Variants in RUBCNL observed in about 807,000 individuals in gnomAD.
RUBCNL encodes protein associated with UVRAG as autophagy enhancer.
Under a neutral mutation model 69.5 loss-of-function variants are expected in RUBCNL, and 62 were observed. The observed-to-expected ratio is 0.89, with a 90% CI of 0.73 to 1.10. RUBCNL has a LOEUF of 1.10. Ranked by LOEUF, RUBCNL falls within the 50% of genes least tolerant of loss-of-function variation. The pLI is 0.00. For missense variants in RUBCNL, 768 were observed against 798.1 expected (o/e 0.96, Z 0.45); for synonymous variants, 291 against 303.6 (o/e 0.96, Z 0.43).
chr13:46,363,083 C>G, intron 6 of RUBCNL, 32 bp downstream of exon 6: 1 of 1,387,946 alleles, frequency 7.2e-7, no homozygotes, highest in Non-Finnish European at 1.0e-6. Flanking sequence ...GGGGAGGCAG[C>G]CAGTCACATC....
At chr13:46,384,867 T>C (rs2049202885) in intron 1 of RUBCNL, among the ~76,000 whole-genome samples, 1 of 152,112 alleles carries the variant, frequency 6.6e-6, no homozygotes, top group African/African-American at 2.4e-5. Flanking sequence ...TTTTACGGGT[T>C]AGAAAAGGAA....
At position 46,334,815 on chromosome 13, in the gene RUBCNL, A is replaced by G. The variant is rs2048093239; in HGVS notation, c.*8570T>C. ...ATTGTCAGCATTTTACAAATAGGAAACCGGAGTCTTAAGAAATTTGAGCAA... is the reference window on the plus strand; with the variant it reads ...ATTGTCAGCATTTTACAAATAGGAAGCCGGAGTCTTAAGAAATTTGAGCAA... On this transcript the variant is annotated 3_prime_UTR_variant, in exon 15 of 15. Transcript: ENST00000429979. Among the ~76,000 whole-genome samples, 1 of 152,188 alleles carries G rather than the reference A, an allele frequency of 6.6e-6. No individual in the cohort carries two copies. Among genetic ancestry groups the G allele is most frequent in the South Asian group, 2.1e-4 (1 of 4,832 alleles).
At chr13:46,377,658 G>C (rs1286430272) in intron 2 of RUBCNL, among the ~76,000 whole-genome samples, 1 of 152,212 alleles carries the variant, frequency 6.6e-6, no homozygotes, top group Non-Finnish European at 1.5e-5. Context: ...TAAGTGAATT[G>C]AGCAAAAACC....
intron 10 of RUBCNL, among the ~76,000 whole-genome samples, chr13:46,353,453 C>T (rs1030906094): frequency 3.3e-5 from 5 of 152,094 alleles, no homozygotes; most frequent in Admixed American, 6.6e-5. Context: ...CACTAATGTC[C>T]ATCTTTTTTA....
chr13:46,341,393 C>A lies in RUBCNL; in HGVS notation c.*1992G>T, dbSNP rs545057558. Among the ~76,000 whole-genome samples the A allele has an allele frequency of 3.9e-5, 6 of 152,292 alleles. No homozygotes were observed. The East Asian group carries it at 1.2e-3, about 29-fold the overall frequency. On this transcript the variant is annotated 3_prime_UTR_variant, in exon 15 of 15. Transcript: ENST00000429979. ...TCCATGTGGGCTGAAGATCACTTCCCTAACAGGTGCCTTCCTGGGAAGAAG... is the reference window on the plus strand; with the variant it reads ...TCCATGTGGGCTGAAGATCACTTCCATAACAGGTGCCTTCCTGGGAAGAAG...
At chr13:46,365,090 G>A (rs1390471186) in intron 5 of RUBCNL, among the ~76,000 whole-genome samples, 2 of 151,968 alleles carry the variant, frequency 1.3e-5, no homozygotes, top group Non-Finnish European at 2.9e-5. Context: ...ATCACCTGAG[G>A]TCAGGAGTTT....
At chr13:46,378,294 A>G (rs1262948956) in intron 1 of RUBCNL, among the ~76,000 whole-genome samples, 1 of 152,214 alleles carries the variant, frequency 6.6e-6, no homozygotes, top group African/African-American at 2.4e-5. Flanking sequence ...ATAAGCAGAG[A>G]TAATACAGGT....
chr13:46,368,517 C>T, intron 4 of RUBCNL: 2 of 984,688 alleles, frequency 2.0e-6, no homozygotes, highest in Non-Finnish European at 2.4e-6. Context: ...TAATGCCAGA[C>T]ATCATTCATC....
At chr13:46,352,771 T>G (rs1332316604) in intron 10 of RUBCNL, among the ~76,000 whole-genome samples, 2 of 151,452 alleles carry the variant, frequency 1.3e-5, no homozygotes, top group Non-Finnish European at 2.9e-5. Flanking sequence ...GCCATTGCGC[T>G]CCAGCCTGGG....
Position 46,345,434 on chromosome 13 carries a change from G to A in RUBCNL, c.1785+13C>T. The A allele has an allele frequency of 6.4e-7, 1 of 1,553,548 alleles. No homozygotes were observed. ...GTGCATCGGGAACGAATCTGCTCTG[G>A]GTGCACCCTCACCTCACAGCCAGCC... On this transcript the variant is annotated intron_variant, in intron 13 of 14. Coordinates refer to ENST00000429979, the MANE Select transcript of RUBCNL (RefSeq NM_025113.5).
intron 11 of RUBCNL, 95 bp downstream of exon 11, chr13:46,350,018 A>T (rs2048335378): frequency 1.2e-5 from 11 of 899,090 alleles, no homozygotes; most frequent in Non-Finnish European, 5.1e-6. Flanking sequence ...TGCCTCTTAG[A>T]GGATGTATCT....
Position 46,387,153 on chromosome 13 carries a change from G to A in RUBCNL, c.-258C>T. ...CCTCACCCAGCCAAACCCGAGCGGT[G>A]GAACGCTGCGCTGGGTAAACGCCGC... On this transcript the variant is annotated 5_prime_UTR_variant, in exon 1 of 15. Transcript: ENST00000429979. 1.0e-6 allele frequency: 1 copy of A among 985,380 alleles called. No homozygotes were observed. Among genetic ancestry groups the A allele is most frequent in the Non-Finnish European group, 1.2e-6 (1 of 829,966 alleles). 61.0% of individuals were successfully genotyped at this position (985,380 alleles called of 1,614,324 possible).
chr13:46,335,637 A>G lies in RUBCNL; in HGVS notation c.*7748T>C, dbSNP rs1290903379. On this transcript the variant is annotated 3_prime_UTR_variant, in exon 15 of 15. Transcript: ENST00000429979. ...TAGTTCAATCTAATAGAAGTTCAGGAGAGAGATGGTGGCTTGTACTGTAAT... is the reference window on the plus strand; with the variant it reads ...TAGTTCAATCTAATAGAAGTTCAGGGGAGAGATGGTGGCTTGTACTGTAAT... 2.0e-5 allele frequency among the ~76,000 whole-genome samples: 3 copies of G among 152,192 alleles called. No homozygotes were observed. Among genetic ancestry groups the G allele is most frequent in the Admixed American group, 2.0e-4 (3 of 15,272 alleles).
Position 46,337,685 on chromosome 13 carries a change from C to T in RUBCNL, c.*5700G>A, listed in dbSNP as rs2048112909. Among the ~76,000 whole-genome samples the T allele has an allele frequency of 1.3e-5, 2 of 152,208 alleles. No individual in the cohort carries two copies. The highest frequency in any genetic ancestry group is 2.9e-5 in the Non-Finnish European group (2 of 68,026). ...GTGACAAACCTGTTCCCTCAGTACT[C>T]ATCCCCTGGACAACAGGTATCAGGA... On this transcript the variant is annotated 3_prime_UTR_variant, in exon 15 of 15. Transcript: ENST00000429979.
chr13:46,371,822 G>T, intron 3 of RUBCNL, 119 bp downstream of exon 3: 2 of 1,049,308 alleles, frequency 1.9e-6, no homozygotes, highest in Non-Finnish European at 2.7e-6. Flanking sequence ...CTGGGCTGCT[G>T]ACAATATTAG....
chr13:46,363,265 T>A, intron 5 of RUBCNL, 52 bp from the exon 6 acceptor site: 1 of 958,964 alleles, frequency 1.0e-6, no homozygotes, highest in Non-Finnish European at 1.5e-6. Context: ...AAAGAAAAAC[T>A]GTACAACCTG....
intron 2 of RUBCNL, among the ~76,000 whole-genome samples, chr13:46,377,585 A>G (rs894108665): frequency 8.5e-5 from 13 of 152,188 alleles, no homozygotes; most frequent in African/African-American, 2.9e-4. Flanking sequence ...TTTTATAAAC[A>G]AGTTATAGTT....
chr13:46,357,377 G>A (rs2048512949), intron 9 of RUBCNL, among the ~76,000 whole-genome samples: 1 of 146,626 alleles, frequency 6.8e-6, no homozygotes, highest in Admixed American at 6.9e-5. Context: ...CAAAGCAGAA[G>A]TCAGCGTCAC....
chr13:46,376,910 C>T (rs2049006523), intron 2 of RUBCNL, among the ~76,000 whole-genome samples: 2 of 152,146 alleles, frequency 1.3e-5, no homozygotes, highest in African/African-American at 4.8e-5. Flanking sequence ...TTATCACTTT[C>T]TATAGTATAA....
Sources: gnomAD v4.1 joint callset for allele counts (sites outside exome capture counted in the v4.1 genomes callset) on GRCh38, gnomAD v4.1.1 for gene constraint, MANE v1.5 for transcripts, NCBI Gene and HGNC (gene_info 2026-07-23, HGNC 2026-07-21) for gene names.